The following EYA4 variants were observed in gnomAD, a reference collection of about 807,000 sequenced individuals.
The protein encoded by EYA4 is protein phosphatase EYA4.
Under a neutral mutation model 87.9 loss-of-function variants are expected in EYA4, and 31 were observed. That is an observed-to-expected ratio of 0.35 (90% CI 0.27 to 0.48). The LOEUF is 0.48. EYA4 is among the 20% of genes least tolerant of loss of function. The probability of loss-of-function intolerance (pLI) is 0.99; values close to 1 mark genes in which losing one functional copy is unlikely to be tolerated. For missense variants in EYA4, 678 were observed against 761.4 expected (o/e 0.89, Z 1.29); for synonymous variants, 263 against 270.6 (o/e 0.97, Z 0.28).
intron 2 of EYA4, among the ~76,000 whole-genome samples, chr6:133,366,335 A>G (rs1182675212): frequency 6.6e-6 from 1 of 152,202 alleles, no homozygotes; most frequent in Non-Finnish European, 1.5e-5. Context: ...CTGTGAGATT[A>G]TTTATGTAGA....
At chr6:133,509,498 T>G (rs1798951977) in intron 14 of EYA4, among the ~76,000 whole-genome samples, 1 of 152,094 alleles carries the variant, frequency 6.6e-6, no homozygotes, top group African/African-American at 2.4e-5. Context: ...CATAATTCCT[T>G]AAAAGATACA....
At chr6:133,325,100 C>T (rs1962598) in intron 2 of EYA4, 66,398 of 151,670 alleles carry the variant, frequency 0.44, 15,222 homozygotes, top group Non-Finnish European at 0.52. Context: ...TTAGTAAAGA[C>T]GGGGTTTCAC....
chr6:133,257,807 CAT>C (rs1491323631), intron 1 of EYA4, among the ~76,000 whole-genome samples: 2 of 152,162 alleles, frequency 1.3e-5, no homozygotes, highest in Non-Finnish European at 2.9e-5. Context: ...CATTTCCTGA[CAT>C]GTGCTTTAGA....
chr6:133,411,760 T>G (rs1789259701), intron 3 of EYA4, among the ~76,000 whole-genome samples: 1 of 152,220 alleles, frequency 6.6e-6, no homozygotes, highest in Non-Finnish European at 1.5e-5. Context: ...TTCTGTTCCT[T>G]TCAGAATTTG....
chr6:133,324,179 A>G (rs1398248278), intron 2 of EYA4, among the ~76,000 whole-genome samples: 4 of 152,232 alleles, frequency 2.6e-5, no homozygotes, highest in Non-Finnish European at 5.9e-5. Context: ...AGTAGAAAAT[A>G]TAGTTAAAAT....
chr6:133,379,913 T>A (rs1021724869), intron 2 of EYA4, among the ~76,000 whole-genome samples: 1 of 152,164 alleles, frequency 6.6e-6, no homozygotes, highest in African/African-American at 2.4e-5. Context: ...CTTTCAATGG[T>A]CTTCACTGAC....
At chr6:133,245,278 A>G (rs1037151255) in intron 1 of EYA4, 2 of 152,230 alleles carry the variant, frequency 1.3e-5, no homozygotes, top group African/African-American at 4.8e-5. Flanking sequence ...AGAAATAAAT[A>G]GAAAAGTGTG....
chr6:133,315,264 T>C (rs946247036), intron 2 of EYA4, among the ~76,000 whole-genome samples: 9 of 152,126 alleles, frequency 5.9e-5, no homozygotes, highest in Admixed American at 1.3e-4. Flanking sequence ...ACAGAGTCTG[T>C]TTTTTATAGA....
chr6:133,349,334 C>T (rs1783455863), intron 2 of EYA4, among the ~76,000 whole-genome samples: 3 of 152,082 alleles, frequency 2.0e-5, no homozygotes. Flanking sequence ...TGTTTTGTTA[C>T]TCTTTTCTGT....
chr6:133,408,083 G>C (rs761501146), intron 3 of EYA4, among the ~76,000 whole-genome samples: 4 of 152,286 alleles, frequency 2.6e-5, no homozygotes, highest in Non-Finnish European at 4.4e-5. Flanking sequence ...TTTATTAATT[G>C]TTGGGGCTGC....
intron 3 of EYA4, among the ~76,000 whole-genome samples, chr6:133,426,318 C>G (rs1790673892): frequency 6.6e-6 from 1 of 152,150 alleles, no homozygotes; most frequent in Non-Finnish European, 1.5e-5. Flanking sequence ...ATATGAGTAA[C>G]TCAAATTATG....
At chr6:133,393,657 A>G (rs1787498565) in intron 3 of EYA4, among the ~76,000 whole-genome samples, 1 of 152,194 alleles carries the variant, frequency 6.6e-6, no homozygotes, top group Non-Finnish European at 1.5e-5. Flanking sequence ...TTCTAGAAAA[A>G]GCTACTATTT....
intron 19 of EYA4, 63 bp from the exon 20 acceptor site, chr6:133,528,662 T>A (rs1031519512): frequency 1.6e-5 from 18 of 1,151,276 alleles, no homozygotes; most frequent in Non-Finnish European, 2.4e-5. Context: ...ATGGTTGTGA[T>A]CTCTCTCCAT....
chr6:133,346,368 G>C (rs1783194755), intron 2 of EYA4, among the ~76,000 whole-genome samples: 1 of 152,110 alleles, frequency 6.6e-6, no homozygotes, highest in South Asian at 2.1e-4. Context: ...TCACAGGCTT[G>C]AAAGACTAGT....
At chr6:133,370,910 C>T (rs574100821) in intron 2 of EYA4, among the ~76,000 whole-genome samples, 43 of 152,158 alleles carry the variant, frequency 2.8e-4, no homozygotes, top group Admixed American at 2.4e-3. Flanking sequence ...TTTAAAGAAT[C>T]CTGTAGTGTT....
intron 3 of EYA4, among the ~76,000 whole-genome samples, chr6:133,398,888 C>T (rs975724615): frequency 6.6e-6 from 1 of 152,254 alleles, no homozygotes. Context: ...AGAAGAGAAA[C>T]AGGATACATC....
intron 2 of EYA4, among the ~76,000 whole-genome samples, chr6:133,355,531 G>A (rs556033643): frequency 1.1e-4 from 16 of 152,182 alleles, no homozygotes; most frequent in African/African-American, 3.6e-4. Flanking sequence ...TCCTTTACAG[G>A]GACATGGATG....
At chr6:133,298,592 G>A (rs1023874517) in intron 2 of EYA4, among the ~76,000 whole-genome samples, 1 of 152,184 alleles carries the variant, frequency 6.6e-6, no homozygotes, top group Non-Finnish European at 1.5e-5. Context: ...ACTTTTGGCT[G>A]TTTGACCTTG....
chr6:133,260,881 G>T (rs1350419224), intron 1 of EYA4, among the ~76,000 whole-genome samples: 1 of 152,070 alleles, frequency 6.6e-6, no homozygotes, highest in Non-Finnish European at 1.5e-5. Flanking sequence ...TCCTTCCTCT[G>T]TGGATTGCCT....
Sources: gnomAD v4.1 joint callset for allele counts (sites outside exome capture counted in the v4.1 genomes callset) on GRCh38, gnomAD v4.1.1 for gene constraint, MANE v1.5 for transcripts, NCBI Gene and HGNC (gene_info 2026-07-23, HGNC 2026-07-21) for gene names.